ZNF44: variants seen among roughly 807,000 people sequenced by gnomAD.
ZNF44 encodes zinc finger protein 44.
In ZNF44, 9 loss-of-function variants were observed where a neutral mutation model predicts 11.7. The observed-to-expected ratio is 0.77, with a 90% CI of 0.46 to 1.35. The LOEUF is 1.35. Ranked by LOEUF, ZNF44 falls within the 40% of genes most tolerant of loss-of-function variation. The pLI is 0.00. For missense variants in ZNF44, 696 were observed against 743.1 expected (o/e 0.94, Z 0.74); for synonymous variants, 224 against 242.7 (o/e 0.92, Z 0.72).
At chr19:12,268,789 G>A (rs1917835584), downstream of ZNF44, among the ~76,000 whole-genome samples, 1 of 150,740 alleles carries the variant, frequency 6.6e-6, no homozygotes, top group Admixed American at 6.6e-5. Flanking sequence ...TGTTGCCTAG[G>A]CTGGCGTGCA....
downstream of ZNF44, among the ~76,000 whole-genome samples, chr19:12,246,186 A>C (rs1413410800): frequency 6.6e-6 from 1 of 152,218 alleles, no homozygotes; most frequent in Non-Finnish European, 1.5e-5. Context: ...TAGATTCTAG[A>C]AAATTTAGTT....
chr19:12,236,050 T>C (rs1568420797), intron 1 of ZNF44, among the ~76,000 whole-genome samples: 1 of 152,136 alleles, frequency 6.6e-6, no homozygotes, highest in South Asian at 2.1e-4. Context: ...GAGCTATCGC[T>C]CTGTGAAAAA....
chr19:12,257,447 C>T (rs1023209033), intron 5 of ZNF44, among the ~76,000 whole-genome samples: 9 of 151,586 alleles, frequency 5.9e-5, no homozygotes, highest in African/African-American at 1.5e-4. Flanking sequence ...GTCAGGAGTT[C>T]GAGACCAGCC....
In ZNF44 at chr19:12,272,397, T is replaced by A; in HGVS notation, c.*10A>T. ...TAAAACCAATGAATGCTTTCCCACA[T>A]TCCATACACTTATAGAATATCCTTC... On this transcript the variant is annotated 3_prime_UTR_variant, in exon 4 of 4. Transcript: ENST00000355684. 6.6e-7 allele frequency: 1 copy of A among 1,517,372 alleles called. No individual in the cohort carries two copies. The highest frequency in any genetic ancestry group is 8.8e-7 in the Non-Finnish European group (1 of 1,136,422). The allele number at this position is 1,517,372 out of a possible 1,614,324, so 94.0% of individuals were successfully genotyped here.
intron 1 of ZNF44, among the ~76,000 whole-genome samples, chr19:12,281,343 AAGG>A (rs1370529340): frequency 6.6e-6 from 1 of 152,200 alleles, no homozygotes; most frequent in Non-Finnish European, 1.5e-5. Context: ...CACAAACTTC[AAGG>A]AGAATTGTCA....
chr19:12,284,949 A>G (rs1435922245), intron 1 of ZNF44: 1 of 730,776 alleles, frequency 1.4e-6, no homozygotes. Flanking sequence ...GCTGCTCATG[A>G]TGGCTGGTAT....
chr19:12,263,629 A>C (rs1917606982), intron 5 of ZNF44, among the ~76,000 whole-genome samples: 1 of 151,902 alleles, frequency 6.6e-6, no homozygotes, highest in African/African-American at 2.4e-5. Flanking sequence ...AAAAACAAAA[A>C]AACAAAAAAA....
chr19:12,272,549 A>G lies in ZNF44; in HGVS notation c.1706T>C (p.Phe569Ser), dbSNP rs1224270367. Reference protein sequence around the residue: ...PYECKHCGKAFSRSSFCREHE... With the variant: ...PYECKHCGKASSRSSFCREHE... Reference sequence around the variant, plus strand: ...TTCTCGACAGAAACTGGAACGACTGAAGGCTTTACCACAGTGTTTACATTC... The same window carrying G: ...TTCTCGACAGAAACTGGAACGACTGGAGGCTTTACCACAGTGTTTACATTC... The change falls in exon 4 of 4, where the codon TTC (phenylalanine) becomes TCC (serine). Residue 569 changes from phenylalanine to serine, a missense_variant. Phe to Ser is a radical substitution (Grantham distance 155). Coordinates refer to ENST00000355684, the MANE Select transcript of ZNF44 (RefSeq NM_016264.4). 4 of 1,613,574 alleles carry G rather than the reference A, an allele frequency of 2.5e-6. No homozygotes were observed. The highest frequency in any genetic ancestry group is 3.4e-6 in the Non-Finnish European group (4 of 1,179,862).
In ZNF44 at chr19:12,272,698, T is replaced by C. The variant is rs1191581957; in HGVS notation, c.1557A>G (p.Leu519=). ...CCGTGTGAGTCCTTTCATGAGTTTT[T>C]AAGTAACTGAAACGACTGAAGGCTT... ...CGKAFSRFSY[L]KTHERTHTAE... Residue 519 remains leucine (L), a synonymous_variant, in exon 4 of 4, where the codon TTA becomes TTG. Coordinates refer to ENST00000355684, the MANE Select transcript of ZNF44 (RefSeq NM_016264.4). 1.2e-6 allele frequency: 2 copies of C among 1,613,564 alleles called. No individual in the cohort carries two copies. Among genetic ancestry groups the C allele is most frequent in the Non-Finnish European group, 8.5e-7 (1 of 1,179,654 alleles).
chr19:12,251,832 A>C (rs1482867515), intron 5 of ZNF44, among the ~76,000 whole-genome samples: 3 of 152,128 alleles, frequency 2.0e-5, no homozygotes, highest in Non-Finnish European at 4.4e-5. Flanking sequence ...CAGGCAGATC[A>C]CCTGAGGTCG....
chr19:12,250,807 T>TAA, intron 5 of ZNF44: 4 of 456,294 alleles, frequency 8.8e-6, no homozygotes, highest in South Asian at 6.2e-5. Flanking sequence ...TTCCCATCAC[T>TAA]AAGCATGAGA....
At chr19:12,269,755 C>T (rs772068401), downstream of ZNF44, among the ~76,000 whole-genome samples, 1 of 152,150 alleles carries the variant, frequency 6.6e-6, no homozygotes, top group Non-Finnish European at 1.5e-5. Flanking sequence ...TCCCAAATTA[C>T]TTACATTATG....
chr19:12,264,185 C>T (rs1321079266), intron 5 of ZNF44, among the ~76,000 whole-genome samples: 1 of 152,214 alleles, frequency 6.6e-6, no homozygotes, highest in Non-Finnish European at 1.5e-5. Context: ...CCCCTCCCCA[C>T]CACGTACATG....
chr19:12,256,734 T>A (rs1008627358), intron 5 of ZNF44, among the ~76,000 whole-genome samples: 4 of 139,770 alleles, frequency 2.9e-5, no homozygotes, highest in African/African-American at 1.1e-4. Flanking sequence ...GGAGTCTTGC[T>A]CTGTCACCCA....
intron 1 of ZNF44, 151 bp from the exon 2 acceptor site, chr19:12,276,233 C>T: frequency 1.7e-6 from 2 of 1,198,306 alleles, no homozygotes; most frequent in South Asian, 2.5e-5. Context: ...TCTGCACTCA[C>T]TGTCTGATGC....
chr19:12,239,626 A>C (rs1599489679), upstream of ZNF44, among the ~76,000 whole-genome samples: 1 of 126,294 alleles, frequency 7.9e-6, no homozygotes, highest in Non-Finnish European at 1.6e-5. Context: ...TCCAGGCTGG[A>C]GTGCAGTGGC....
chr19:12,269,263 G>A (rs139695501), downstream of ZNF44, among the ~76,000 whole-genome samples: 1,350 of 152,220 alleles, frequency 8.9e-3, 17 homozygotes, highest in African/African-American at 0.031. Flanking sequence ...AGTGGCTCAC[G>A]CCTGTAATCC....
intron 3 of ZNF44, among the ~76,000 whole-genome samples, chr19:12,229,389 A>G (rs971665410): frequency 6.6e-6 from 1 of 152,240 alleles, no homozygotes. Flanking sequence ...CCAAAATGGG[A>G]TTTGTGGTGC....
At chr19:12,254,641 G>A (rs2438569) in intron 5 of ZNF44, among the ~76,000 whole-genome samples, 8,942 of 151,358 alleles carry the variant, frequency 0.059, 896 homozygotes, top group African/African-American at 0.21. Context: ...AGGCTGAGGC[G>A]GGGGAATTGC....
Sources: gnomAD v4.1 joint callset for allele counts (sites outside exome capture counted in the v4.1 genomes callset) on GRCh38, gnomAD v4.1.1 for gene constraint, MANE v1.5 for transcripts, NCBI Gene and HGNC (gene_info 2026-07-23, HGNC 2026-07-21) for gene names.